AXDND1: variants seen among roughly 807,000 people sequenced by gnomAD.
AXDND1 encodes axonemal dynein light chain domain-containing protein 1.
AXDND1 carries 110 observed loss-of-function variants against 137.5 expected under a neutral mutation model. The ratio of observed to expected loss-of-function variants is 0.80; its 90% CI spans 0.69 to 0.94. The LOEUF is 0.94. AXDND1 is among the 40% of genes least tolerant of loss of function. The pLI, the probability that AXDND1 is intolerant of heterozygous loss-of-function variation, is 0.00. For missense variants in AXDND1, 1,191 were observed against 1,169.8 expected (o/e 1.02, Z -0.26); for synonymous variants, 414 against 399.7 (o/e 1.04, Z -0.43).
intron 11 of AXDND1, among the ~76,000 whole-genome samples, chr1:179,398,501 G>A (rs12725414): frequency 0.29 from 43,515 of 152,074 alleles, 6,424 homozygotes; most frequent in Non-Finnish European, 0.31. Context: ...GCAATGTTGT[G>A]GGGGTGCATT....
At chr1:179,513,446 T>A (rs1427079639) in intron 21 of AXDND1, among the ~76,000 whole-genome samples, 1 of 152,196 alleles carries the variant, frequency 6.6e-6, no homozygotes, top group Admixed American at 6.5e-5. Flanking sequence ...CTTTTTGATA[T>A]GTTGTTGGAT....
In AXDND1 at chr1:179,488,634, C is replaced by T. The variant is rs564028754; in HGVS notation, c.2092-2904C>T. On this transcript the variant is annotated intron_variant, in intron 18 of 25. Transcript: ENST00000367618. ...TTTCTTTCTTTCTCTCTCTCTCTCT[C>T]CTTTCTTTCTTTCTTTCTTTCTTTC... Among the ~76,000 whole-genome samples, 358 of 105,254 alleles carry T rather than the reference C, an allele frequency of 3.4e-3. 32 individuals carry two copies. Among genetic ancestry groups the T allele is most frequent in the South Asian group, 5.1e-3 (17 of 3,302 alleles). The allele number at this position is 105,254 out of a possible 152,430, so 69.1% of individuals were successfully genotyped here.
At position 179,490,932 on chromosome 1, in the gene AXDND1, A is replaced by G. The variant is rs187450560; in HGVS notation, c.2092-606A>G. ...GTTATTTCCCTCAATTTAAAATCCTATGGCATCCTTGTGAGTTTGCTGTGG... is the reference window on the plus strand; with the variant it reads ...GTTATTTCCCTCAATTTAAAATCCTGTGGCATCCTTGTGAGTTTGCTGTGG... On this transcript the variant is annotated intron_variant, in intron 18 of 25. Transcript: ENST00000367618. 1.6e-4 allele frequency among the ~76,000 whole-genome samples: 24 copies of G among 152,262 alleles called. 1 individual carries two copies. In the East Asian group the frequency reaches 4.2e-3, roughly 27 times the overall value.
intron 11 of AXDND1, among the ~76,000 whole-genome samples, chr1:179,403,749 T>G (rs1371753005): frequency 6.6e-6 from 1 of 152,142 alleles, no homozygotes; most frequent in African/African-American, 2.4e-5. Context: ...AATTTTTGTA[T>G]TTTTAGTAGA....
intron 17 of AXDND1, among the ~76,000 whole-genome samples, chr1:179,478,754 G>T (rs142243977): frequency 9.2e-5 from 14 of 152,320 alleles, no homozygotes; most frequent in African/African-American, 3.1e-4. Flanking sequence ...TGTCTCTATT[G>T]CATTGTCAGG....
chr1:179,483,299 CT>C (rs1665650820), intron 18 of AXDND1, 78 bp downstream of exon 18: 2 of 919,368 alleles, frequency 2.2e-6, no homozygotes, highest in African/African-American at 3.4e-5. Context: ...AATGCTCTCC[CT>C]ATTTAAATGA....
chr1:179,456,528 C>G, intron 16 of AXDND1: 1 of 775,348 alleles, frequency 1.3e-6, no homozygotes, highest in South Asian at 1.3e-5. Context: ...ATAACCCTGT[C>G]CAACACTTCC....
chr1:179,533,552 T>C (rs1303239111), intron 23 of AXDND1, among the ~76,000 whole-genome samples: 1 of 152,062 alleles, frequency 6.6e-6, no homozygotes, highest in Non-Finnish European at 1.5e-5. Context: ...TTCTTTACAA[T>C]TCAAATCAAA....
chr1:179,394,996 C>A, intron 10 of AXDND1, 102 bp from the exon 11 acceptor site: 1 of 938,946 alleles, frequency 1.1e-6, no homozygotes, highest in Non-Finnish European at 1.6e-6. Context: ...GGGAGGTACA[C>A]ATGATAACTG....
rs1572028099 is a variant in AXDND1 at position 179,482,995 on chromosome 1, C to T, written c.1998-133C>T. On this transcript the variant is annotated intron_variant, in intron 17 of 25. Transcript: ENST00000367618. The stretch of plus-strand genomic sequence containing the variant: ...TAATTCAGGGCTTTGATTCCCCTTT[C>T]CTCAGTTCTCAAGCAGTTGTCAACA... The T allele has an allele frequency of 1.7e-5, 9 of 524,732 alleles. No individual in the cohort carries two copies. The East Asian group carries it at 2.9e-4, about 17-fold the overall frequency. 32.5% of individuals were successfully genotyped at this position (524,732 alleles called of 1,614,324 possible). A position where few individuals can be genotyped will look rare whatever the true frequency, so the allele number is the denominator to read the frequency against.
intron 16 of AXDND1, among the ~76,000 whole-genome samples, chr1:179,457,990 C>CTTTTTTTTTTT (rs34295838): frequency 6.9e-6 from 1 of 145,546 alleles, no homozygotes. Flanking sequence ...CTTTCCTTCT[C>CTTTTTTTTTTT]TTTTTTTTTT....
chr1:179,521,937 C>T (rs1042134206), intron 21 of AXDND1, among the ~76,000 whole-genome samples: 1 of 151,970 alleles, frequency 6.6e-6, no homozygotes, highest in East Asian at 1.9e-4. Flanking sequence ...TTTTTAAGGT[C>T]GTCTTTTTGT....
chr1:179,551,361 G>A lies in AXDND1; in HGVS notation c.3032-3151G>A, dbSNP rs763818901. 20 of 1,613,992 alleles carry A rather than the reference G, an allele frequency of 1.2e-5. No individual in the cohort carries two copies. The highest frequency in any genetic ancestry group is 2.7e-5 in the African/African-American group (2 of 74,920). The stretch of plus-strand genomic sequence containing the variant: ...AGAGACTGAAGGGTGTGGAGGTATC[G>A]AAGCTGAACGGCAGCAGGGGTGCCT... On this transcript the variant is annotated intron_variant, in intron 25 of 25. Transcript: ENST00000367618.
At chr1:179,470,692 G>A (rs979103861) in intron 17 of AXDND1, among the ~76,000 whole-genome samples, 2 of 151,134 alleles carry the variant, frequency 1.3e-5, no homozygotes, top group African/African-American at 4.9e-5. Flanking sequence ...GGATTTCTTA[G>A]TATTTTCTAT....
chr1:179,395,699 ATATTCT>A (rs915826883), intron 11 of AXDND1, among the ~76,000 whole-genome samples: 4 of 152,198 alleles, frequency 2.6e-5, no homozygotes, highest in Admixed American at 6.5e-5. Flanking sequence ...ACAATATGAA[ATATTCT>A]TATAATGGTT....
chr1:179,412,156 T>C (rs1430220615), intron 12 of AXDND1, among the ~76,000 whole-genome samples: 1 of 152,208 alleles, frequency 6.6e-6, no homozygotes, highest in Non-Finnish European at 1.5e-5. Context: ...TGACCCACTC[T>C]CTGATTCTGT....
chr1:179,400,600 TAAAA>T (rs71111986), intron 11 of AXDND1, among the ~76,000 whole-genome samples: 2 of 138,296 alleles, frequency 1.4e-5, no homozygotes, highest in Admixed American at 7.1e-5. Context: ...AGGGAAGAAA[TAAAA>T]AAAAAAAAAG....
In AXDND1 at chr1:179,385,363, A is replaced by G; in HGVS notation, c.863+4A>G. 4.3e-6 allele frequency: 7 copies of G among 1,614,030 alleles called. No homozygotes were observed. Among genetic ancestry groups the G allele is most frequent in the South Asian group, 1.1e-5 (1 of 91,068 alleles). Reference sequence around the variant, plus strand: ...GAGAACTTCTGTCTAAAGTCAGGTTAGTGCTGTTATTGGAATGGTCCAGTT... The same window carrying G: ...GAGAACTTCTGTCTAAAGTCAGGTTGGTGCTGTTATTGGAATGGTCCAGTT... On this transcript the variant is annotated splice_donor_region_variant and intron_variant, in intron 9 of 25. Transcript: ENST00000367618.
At chr1:179,501,231 A>G (rs1667967068) in intron 20 of AXDND1, among the ~76,000 whole-genome samples, 2 of 152,224 alleles carry the variant, frequency 1.3e-5, no homozygotes, top group Non-Finnish European at 2.9e-5. Flanking sequence ...ACACTTTTGA[A>G]AATAAGGTGA....
Sources: gnomAD v4.1 joint callset for allele counts (sites outside exome capture counted in the v4.1 genomes callset) on GRCh38, gnomAD v4.1.1 for gene constraint, MANE v1.5 for transcripts, NCBI Gene and HGNC (gene_info 2026-07-23, HGNC 2026-07-21) for gene names.